HIVEP1: variants seen among roughly 807,000 people sequenced by gnomAD.
HIVEP1 encodes the protein HIVEP zinc finger 1.
A neutral mutation model predicts 180.0 loss-of-function variants in HIVEP1; 36 were observed. The ratio of observed to expected loss-of-function variants is 0.20; its 90% confidence interval spans 0.15 to 0.26. The LOEUF (loss-of-function observed/expected upper bound fraction) is 0.26, where lower values mean the gene tolerates loss of function less well. Among genes scored for constraint, HIVEP1 ranks in the 10% least tolerant of loss-of-function variants. The pLI is 1.00. For synonymous variants in HIVEP1, 1,239 were observed against 1,239.0 expected (o/e 1.00, Z 0.00); for missense variants, 3,143 against 3,268.7 (o/e 0.96, Z 0.94).
intron 1 of HIVEP1, among the ~76,000 whole-genome samples, 189 bp from the exon 2 acceptor site, chr6:12,015,337 C>G (rs1423091489): frequency 6.6e-6 from 1 of 151,702 alleles, no homozygotes; most frequent in African/African-American, 2.4e-5. Flanking sequence ...TTTCTGTTTT[C>G]TTAATGAGAA....
upstream of HIVEP1, among the ~76,000 whole-genome samples, chr6:12,010,888 T>C (rs953475343): frequency 2.0e-5 from 3 of 152,014 alleles, no homozygotes; most frequent in African/African-American, 7.3e-5. Context: ...CCTTTCACGC[T>C]CTCCCCTCTT....
chr6:12,017,728 TA>T (rs1767908345), intron 2 of HIVEP1, among the ~76,000 whole-genome samples: 1 of 152,228 alleles, frequency 6.6e-6, no homozygotes, highest in African/African-American at 2.4e-5. Context: ...CCCACTAGAT[TA>T]GCTAGATACA....
chr6:12,092,120 G>A (rs370265536), intron 3 of HIVEP1, among the ~76,000 whole-genome samples: 4 of 152,036 alleles, frequency 2.6e-5, no homozygotes, highest in East Asian at 1.9e-4. Context: ...ATTTAAGAAC[G>A]GGAATGTTGC....
At chr6:12,147,097 G>A (rs142687709) in intron 7 of HIVEP1, among the ~76,000 whole-genome samples, 327 of 152,232 alleles carry the variant, frequency 2.1e-3, no homozygotes, top group African/African-American at 7.4e-3. Flanking sequence ...GTGTGAATGG[G>A]ACAGAAAAAC....
intron 7 of HIVEP1, among the ~76,000 whole-genome samples, chr6:12,137,421 T>C (rs1758765824): frequency 6.6e-6 from 1 of 152,234 alleles, no homozygotes; most frequent in African/African-American, 2.4e-5. Context: ...TTGACCTACC[T>C]ATGTATTTAT....
At chr6:12,100,433 A>G (rs188376966) in intron 3 of HIVEP1, among the ~76,000 whole-genome samples, 324 of 152,330 alleles carry the variant, frequency 2.1e-3, no homozygotes, top group African/African-American at 7.3e-3. Flanking sequence ...TCCACAGCAC[A>G]CATTGCTTGG....
intron 3 of HIVEP1, among the ~76,000 whole-genome samples, chr6:12,093,276 TAAC>T (rs1773592651): frequency 6.6e-6 from 1 of 152,054 alleles, no homozygotes; most frequent in Non-Finnish European, 1.5e-5. Flanking sequence ...ATATTTTGAA[TAAC>T]TATTCATTTT....
At chr6:12,086,090 A>G (rs1773098434) in intron 2 of HIVEP1, among the ~76,000 whole-genome samples, 1 of 152,082 alleles carries the variant, frequency 6.6e-6, no homozygotes, top group Admixed American at 6.6e-5. Context: ...TACATTTTTA[A>G]TAGTATACAT....
chr6:12,039,594 G>A (rs1232614850), intron 2 of HIVEP1, among the ~76,000 whole-genome samples: 6 of 152,156 alleles, frequency 3.9e-5, no homozygotes, highest in South Asian at 2.1e-4. Flanking sequence ...AGGTCATAGC[G>A]TTGGTTTGTG....
rs1372000152 is a variant in HIVEP1, at chr6:12,152,333, C to T, written c.6488-9106C>T. On this transcript the variant is annotated intron_variant, in intron 7 of 8. Coordinates refer to ENST00000379388, the MANE Select transcript of HIVEP1 (RefSeq NM_002114.4). The stretch of plus-strand genomic sequence containing the variant: ...TTCTTGTCCTCGCAGACTTGTTGAT[C>T]CCAGGCAAGGCACTTTTCCTTTCTG... Among the ~76,000 whole-genome samples the T allele has an allele frequency of 5.3e-5, 8 of 152,078 alleles. No homozygotes were observed. The South Asian group carries it at 1.7e-3, about 32-fold the overall frequency.
At chr6:12,057,470 A>G (rs1039640267) in intron 2 of HIVEP1, among the ~76,000 whole-genome samples, 21 of 152,180 alleles carry the variant, frequency 1.4e-4, no homozygotes, top group Non-Finnish European at 8.8e-5. Context: ...ATGTGAGTAT[A>G]TGGTATATGG....
At chr6:12,013,599 C>A (rs1202702316) in intron 1 of HIVEP1, among the ~76,000 whole-genome samples, 2 of 152,168 alleles carry the variant, frequency 1.3e-5, no homozygotes, top group Non-Finnish European at 2.9e-5. Context: ...AGAGTTCACG[C>A]TTTAAAAACT....
At position 12,148,274 on chromosome 6, in the gene HIVEP1, G is replaced by A. The variant is rs1759489326; in HGVS notation, c.6487+12382G>A. Among the ~76,000 whole-genome samples, 3 of 152,124 alleles carry A rather than the reference G, an allele frequency of 2.0e-5. No individual in the cohort carries two copies. In the South Asian group the frequency reaches 6.2e-4, roughly 32 times the overall value. On this transcript the variant is annotated intron_variant, in intron 7 of 8. Transcript: ENST00000379388. ...ACTGTCGAGTGAGCTCATGTGCCTGGTTCCCCCCTGCATCCTCTTCACACC... is the reference window on the plus strand; with the variant it reads ...ACTGTCGAGTGAGCTCATGTGCCTGATTCCCCCCTGCATCCTCTTCACACC...
chr6:12,070,466 T>C (rs1771895944), intron 2 of HIVEP1, among the ~76,000 whole-genome samples: 1 of 152,108 alleles, frequency 6.6e-6, no homozygotes, highest in African/African-American at 2.4e-5. Flanking sequence ...GGCGGGTAGA[T>C]CACTTGGGGT....
chr6:12,054,393 T>C (rs1487389546), intron 2 of HIVEP1, among the ~76,000 whole-genome samples: 1 of 152,238 alleles, frequency 6.6e-6, no homozygotes, highest in Admixed American at 6.5e-5. Flanking sequence ...ATTAACAATT[T>C]GATATCTTTC....
Position 12,123,593 on chromosome 6 carries a change from T to C in HIVEP1, c.3798T>C (p.Ser1266=). The C allele has an allele frequency of 2.5e-6, 4 of 1,614,108 alleles. No homozygotes were observed. Among genetic ancestry groups the C allele is most frequent in the Non-Finnish European group, 3.4e-6 (4 of 1,180,022 alleles). The change falls in exon 4 of 9, where the codon AGT becomes AGC. Residue 1266 remains serine, a synonymous_variant. Coordinates refer to ENST00000379388, the MANE Select transcript of HIVEP1 (RefSeq NM_002114.4). ...KSEKFSWPQR[S]ETLSKLPTEK... is the part of the protein sequence containing the mutation. ...AGAAGTTCAGTTGGCCCCAGCGTAG[T>C]GAAACCTTGTCAAAATTGCCAACAG...
chr6:12,038,076 G>A (rs970145521), intron 2 of HIVEP1: 1 of 266,802 alleles, frequency 3.7e-6, no homozygotes, highest in Non-Finnish European at 7.0e-6. Flanking sequence ...GGAACCTGAT[G>A]TATCTGTTAG....
At chr6:12,107,706 C>G (rs989658335) in intron 3 of HIVEP1, among the ~76,000 whole-genome samples, 2 of 152,156 alleles carry the variant, frequency 1.3e-5, no homozygotes, top group Admixed American at 1.3e-4. Context: ...CAAGAGTGAG[C>G]AGCAGCAGGA....
chr6:12,049,761 A>G (rs1024619639), intron 2 of HIVEP1, among the ~76,000 whole-genome samples: 2 of 152,238 alleles, frequency 1.3e-5, no homozygotes, highest in African/African-American at 4.8e-5. Context: ...GGCACACTTG[A>G]GTAGTTTTTA....
Sources: allele counts gnomAD v4.1 joint callset (sites outside exome capture counted in the v4.1 genomes callset), GRCh38; gene constraint gnomAD v4.1.1; transcripts MANE v1.5; gene names NCBI Gene and HGNC (gene_info 2026-07-23, HGNC 2026-07-21).